SPATA16: variants seen among roughly 807,000 people sequenced by gnomAD.
SPATA16 encodes the protein spermatogenesis-associated protein 16.
SPATA16 carries 36 observed loss-of-function variants against 63.3 expected under a neutral mutation model. The ratio of observed to expected loss-of-function variants is 0.57; its 90% CI spans 0.44 to 0.75. The LOEUF is 0.75. SPATA16 is among the 30% of genes least tolerant of loss of function. The pLI, the probability that SPATA16 is intolerant of heterozygous loss-of-function variation, is 0.00. For missense variants in SPATA16, 646 were observed against 679.3 expected (o/e 0.95, Z 0.54); for synonymous variants, 203 against 216.7 (o/e 0.94, Z 0.56).
chr3:173,114,221 C>T (rs1737828933), intron 2 of SPATA16, among the ~76,000 whole-genome samples: 1 of 150,928 alleles, frequency 6.6e-6, no homozygotes, highest in Admixed American at 6.6e-5. Context: ...ACACTTCCCT[C>T]ATAGCAAGCC....
At chr3:172,973,102 G>C (rs1490485058) in intron 5 of SPATA16, among the ~76,000 whole-genome samples, 3 of 152,124 alleles carry the variant, frequency 2.0e-5, no homozygotes, top group Non-Finnish European at 4.4e-5. Context: ...TGTTGAAATT[G>C]ATGCAATATG....
intron 2 of SPATA16, among the ~76,000 whole-genome samples, chr3:173,102,934 G>A (rs891186403): frequency 2.0e-5 from 3 of 152,162 alleles, no homozygotes; most frequent in Admixed American, 6.5e-5. Flanking sequence ...TACAATGGAG[G>A]TACAGACACT....
chr3:173,132,654 G>C (rs1349904130), intron 1 of SPATA16, among the ~76,000 whole-genome samples: 3 of 152,116 alleles, frequency 2.0e-5, no homozygotes, highest in Non-Finnish European at 4.4e-5. Flanking sequence ...ATCTGTATTA[G>C]ATTGGAAGAA....
At chr3:172,969,886 A>G (rs555761435) in intron 5 of SPATA16, among the ~76,000 whole-genome samples, 1 of 152,174 alleles carries the variant, frequency 6.6e-6, no homozygotes, top group Non-Finnish European at 1.5e-5. Context: ...CTCTCTTGGA[A>G]TCCTGCATTT....
At chr3:173,022,250 A>G (rs1010586691) in intron 3 of SPATA16, among the ~76,000 whole-genome samples, 5 of 152,152 alleles carry the variant, frequency 3.3e-5, no homozygotes, top group African/African-American at 1.2e-4. Flanking sequence ...AGTAGAGGAC[A>G]TGAGTTTAGA....
At chr3:172,961,676 G>A (rs1425008807) in intron 5 of SPATA16, among the ~76,000 whole-genome samples, 2 of 152,148 alleles carry the variant, frequency 1.3e-5, no homozygotes, top group Admixed American at 1.3e-4. Context: ...TTACAGGCGT[G>A]AGCCACCATG....
intron 5 of SPATA16, among the ~76,000 whole-genome samples, chr3:172,957,728 A>G (rs1577105943): frequency 6.6e-6 from 1 of 152,348 alleles, no homozygotes; most frequent in East Asian, 1.9e-4. Context: ...GAAAAATAAT[A>G]GATATAAGCT....
At chr3:172,945,458 C>A (rs1499639) in intron 6 of SPATA16, among the ~76,000 whole-genome samples, 13,301 of 152,164 alleles carry the variant, frequency 0.087, 1,942 homozygotes, top group African/African-American at 0.3. Flanking sequence ...CCATTATAGT[C>A]CTTGATTTTA....
In SPATA16 at chr3:173,020,169, C is replaced by T. The variant is rs191002029; in HGVS notation, c.759-594G>A. Reference sequence around the variant, plus strand: ...AAAATTAGCCAGGCATGGTGGCAGGCGCCTGTAATCTCAGCTACTCGGGAG... The same window carrying T: ...AAAATTAGCCAGGCATGGTGGCAGGTGCCTGTAATCTCAGCTACTCGGGAG... On this transcript the variant is annotated intron_variant, in intron 3 of 10. Transcript: ENST00000351008. 3.0e-3 allele frequency among the ~76,000 whole-genome samples: 457 copies of T among 151,924 alleles called. 1 individual carries two copies. Among genetic ancestry groups the T allele is most frequent in the African/African-American group, 0.01 (416 of 41,464 alleles).
intron 4 of SPATA16, among the ~76,000 whole-genome samples, chr3:172,984,169 T>C (rs1437715254): frequency 6.6e-6 from 1 of 152,128 alleles, no homozygotes; most frequent in African/African-American, 2.4e-5. Flanking sequence ...CACAAGCACA[T>C]TTCAGGTGCT....
At chr3:173,012,238 G>A (rs1735090330) in intron 4 of SPATA16, among the ~76,000 whole-genome samples, 1 of 152,124 alleles carries the variant, frequency 6.6e-6, no homozygotes, top group Admixed American at 6.5e-5. Context: ...CTAAGGAGAT[G>A]AAAGGAGAAC....
intron 3 of SPATA16, among the ~76,000 whole-genome samples, chr3:173,045,865 A>C (rs1735945394): frequency 6.6e-6 from 1 of 152,134 alleles, no homozygotes; most frequent in Non-Finnish European, 1.5e-5. Flanking sequence ...ATATTTAATA[A>C]GTTTTTTAAA....
intron 2 of SPATA16, among the ~76,000 whole-genome samples, chr3:173,057,487 C>G (rs191795176): frequency 6.6e-6 from 1 of 152,210 alleles, no homozygotes; most frequent in East Asian, 1.9e-4. Context: ...CTATTAGGCT[C>G]TCTGATTTTT....
intron 6 of SPATA16, among the ~76,000 whole-genome samples, chr3:172,936,328 T>C (rs1732992440): frequency 6.6e-6 from 1 of 152,188 alleles, no homozygotes; most frequent in South Asian, 2.1e-4. Context: ...GAAATCTCAA[T>C]AAAAGCTTCT....
At chr3:173,043,262 GTTAA>G (rs1735887115) in intron 3 of SPATA16, among the ~76,000 whole-genome samples, 1 of 151,746 alleles carries the variant, frequency 6.6e-6, no homozygotes, top group Non-Finnish European at 1.5e-5. Flanking sequence ...CTTATTTTCA[GTTAA>G]TTAAATATTC....
chr3:173,063,316 A>G (rs778086551), intron 2 of SPATA16, among the ~76,000 whole-genome samples: 36 of 152,212 alleles, frequency 2.4e-4, no homozygotes, highest in Non-Finnish European at 1.5e-5. Context: ...TGAAGTAGGT[A>G]GTTCACTAAT....
rs115740694 is a variant in SPATA16, at chr3:173,080,418, G to T, written c.613-31324C>A. ...GAGAAACCAAGGACAGGTTTTTCAT[G>T]TTGAAACGCCACAATGCTGGGTGAA... is the stretch of plus-strand genomic sequence containing the variant. On this transcript the variant is annotated intron_variant, in intron 2 of 10. Transcript: ENST00000351008. 7.7e-3 allele frequency among the ~76,000 whole-genome samples: 1,174 copies of T among 151,698 alleles called. 19 individuals carry two copies. The highest frequency in any genetic ancestry group is 0.026 in the African/African-American group (1,069 of 41,162).
At chr3:172,918,316 T>A (rs1577088802) in intron 8 of SPATA16, among the ~76,000 whole-genome samples, 1 of 152,150 alleles carries the variant, frequency 6.6e-6, no homozygotes, top group South Asian at 2.1e-4. Context: ...TGCAGGCTGC[T>A]CAGGAACATA....
chr3:173,031,512 C>A (rs1459288960), intron 3 of SPATA16, among the ~76,000 whole-genome samples: 53 of 152,070 alleles, frequency 3.5e-4, no homozygotes, highest in Admixed American at 3.3e-3. Context: ...ATGTAACAAT[C>A]TGTGTTCTCA....
Sources: gnomAD v4.1 joint callset for allele counts (sites outside exome capture counted in the v4.1 genomes callset) on GRCh38, gnomAD v4.1.1 for gene constraint, MANE v1.5 for transcripts, NCBI Gene and HGNC (gene_info 2026-07-23, HGNC 2026-07-21) for gene names.